HOOK2: variants seen among roughly 807,000 people sequenced by gnomAD.
HOOK2 encodes the protein protein Hook homolog 2.
In HOOK2, 108 loss-of-function variants were observed where a neutral mutation model predicts 111.9. The ratio of observed to expected loss-of-function variants is 0.96; its 90% CI spans 0.83 to 1.13. HOOK2 has a LOEUF of 1.13. Among genes scored for constraint, HOOK2 ranks in the 50% most tolerant of loss-of-function variants. The pLI, the probability that HOOK2 is intolerant of heterozygous loss-of-function variation, is 0.00. For synonymous variants in HOOK2, 405 were observed against 394.3 expected (o/e 1.03, Z -0.32); for missense variants, 978 against 951.3 (o/e 1.03, Z -0.37).
Position 12,763,558 on chromosome 19 carries a change from T to C in HOOK2, c.1980A>G (p.Glu660=). ...EKSRSQREQE[E]KLLISAWYNM... is the part of the protein sequence containing the mutation. The stretch of plus-strand genomic sequence containing the variant: ...TATACCAGGCACTGATGAGCAGCTT[T>C]TCTTCCTGCTCCCGCTGACTTCGGC... The change falls in exon 22 of 23, where the codon GAA becomes GAG. Residue 660 remains glutamate (E), a synonymous_variant. Coordinates refer to ENST00000397668, the MANE Select transcript of HOOK2 (RefSeq NM_013312.3). 1 of 1,614,224 alleles carries C rather than the reference T, an allele frequency of 6.2e-7. No homozygotes were observed. Among genetic ancestry groups the C allele is most frequent in the Non-Finnish European group, 8.5e-7 (1 of 1,180,036 alleles).
chr19:12,769,140 T>C (rs1308373125), intron 11 of HOOK2, among the ~76,000 whole-genome samples: 1 of 152,000 alleles, frequency 6.6e-6, no homozygotes, highest in East Asian at 1.9e-4. Flanking sequence ...TAATTTTTTG[T>C]ATTTTTAGTA....
upstream of HOOK2, among the ~76,000 whole-genome samples, chr19:12,782,384 G>A (rs1052042952): frequency 6.6e-6 from 1 of 152,246 alleles, no homozygotes; most frequent in Non-Finnish European, 1.5e-5. Context: ...ACTGTGGGTC[G>A]GGGAGTTTGT....
chr19:12,778,954 C>CT (rs746729489), upstream of HOOK2, among the ~76,000 whole-genome samples: 3 of 152,186 alleles, frequency 2.0e-5, no homozygotes, highest in Non-Finnish European at 4.4e-5. Context: ...GGGAGCCCCG[C>CT]TGTGCGGAGA....
chr19:12,774,814 C>A lies in HOOK2; in HGVS notation c.129G>T (p.Gln43His). 6.2e-7 allele frequency: 1 copy of A among 1,614,148 alleles called. No individual in the cohort carries two copies. Among genetic ancestry groups the A allele is most frequent in the East Asian group, 2.2e-5 (1 of 44,878 alleles). Residue 43 changes from glutamine (Q) to histidine (H), a missense_variant and splice_region_variant, in exon 2 of 23, where the codon CAG becomes CAT. By Grantham distance (24) the Gln-to-His change is conservative. Around this residue, in one of 5 missense-constraint regions of HOOK2, gnomAD observed 301 missense variants for 286.1 expected, o/e 1.05. Coordinates refer to ENST00000397668, the MANE Select transcript of HOOK2 (RefSeq NM_013312.3). The stretch of plus-strand genomic sequence containing the variant: ...TCCTCCCCTTCAGCTCCACTCACAT[C>A]TGGTTCAGCACATAGGCTACGGCAA... Reference protein sequence around the residue: ...SGLAVAYVLNQIDPSWFNEAW... With the variant: ...SGLAVAYVLNHIDPSWFNEAW...
rs539056834 is a variant in HOOK2 at position 12,775,528 on chromosome 19, G to A, written c.-79C>T. 7.3e-5 allele frequency: 110 copies of A among 1,499,734 alleles called. No individual in the cohort carries two copies. In the Middle Eastern group the frequency reaches 8.4e-4, roughly 11 times the overall value. The allele number at this position is 1,499,734 out of a possible 1,614,324, so 92.9% of individuals were successfully genotyped here. A position where few individuals can be genotyped will look rare whatever the true frequency, so the allele number is the denominator to read the frequency against. ...CCGGGTCCGCCACCAGCGAGCGCCC[G>A]CAGCCCCGACCTCCCGCTCGGCCTA... On this transcript the variant is annotated 5_prime_UTR_variant, in exon 1 of 23. Coordinates refer to ENST00000397668, the MANE Select transcript of HOOK2 (RefSeq NM_013312.3).
intron 10 of HOOK2, among the ~76,000 whole-genome samples, 157 bp from the exon 11 acceptor site, chr19:12,770,239 G>A (rs1375418448): frequency 2.0e-5 from 3 of 152,042 alleles, no homozygotes; most frequent in Non-Finnish European, 4.4e-5. Context: ...GTCAATCAGG[G>A]CCTGGAGCTG....
chr19:12,774,525 C>A, intron 3 of HOOK2, 144 bp downstream of exon 3: 1 of 790,694 alleles, frequency 1.3e-6, no homozygotes, highest in Non-Finnish European at 2.2e-6. Context: ...AGGGTGAGTA[C>A]TCCATAGATG....
At chr19:12,779,345 G>C (rs917455435), upstream of HOOK2, among the ~76,000 whole-genome samples, 18 of 152,240 alleles carry the variant, frequency 1.2e-4, no homozygotes, top group Admixed American at 8.5e-4. Context: ...CTGGAGAACA[G>C]TGCCCCTCTG....
chr19:12,774,615 G>A (rs753125094), intron 3 of HOOK2, 54 bp downstream of exon 3: 84 of 1,564,338 alleles, frequency 5.4e-5, no homozygotes, highest in Admixed American at 8.3e-5. Flanking sequence ...TAGCTGGCCC[G>A]TCCCTGGTCA....
In HOOK2 at chr19:12,767,803, G is replaced by C; in HGVS notation, c.1303+13C>G. 6.3e-7 allele frequency: 1 copy of C among 1,599,244 alleles called. No homozygotes were observed. The highest frequency in any genetic ancestry group is 1.1e-5 in the South Asian group (1 of 90,832). On this transcript the variant is annotated intron_variant, in intron 13 of 22. Transcript: ENST00000397668. ...CAGGACAGGTAAGACCCCGGGATGG[G>C]GCTTCATCTCACCGGCCTGGGTCAA...
At chr19:12,765,163 G>A (rs1434309181) in intron 18 of HOOK2, 82 bp from the exon 19 acceptor site, 12 of 1,387,424 alleles carry the variant, frequency 8.6e-6, no homozygotes, top group East Asian at 4.6e-5. Flanking sequence ...AGACCTCCCC[G>A]CCAGCCAGAA....
In HOOK2 at chr19:12,790,170, C is replaced by T. The variant is rs1599522279; in HGVS notation, n.42-15945G>A. Among the ~76,000 whole-genome samples the T allele has an allele frequency of 6.6e-6, 1 of 152,176 alleles. No individual in the cohort carries two copies. Among genetic ancestry groups the T allele is most frequent in the African/African-American group, 2.4e-5 (1 of 41,452 alleles). On this transcript the variant is annotated intron_variant and non_coding_transcript_variant, in intron 3 of 3. Transcript: ENST00000589765. This position sits in a 1 kb window ranked among gnomAD's most constrained non-coding sequence, Gnocchi z 7.2. ...AGAGGATGGTGGCTGGAGGCTGCCG[C>T]GGCTGGGCGGGCTCCAAGCACCCGG...
intron 3 of HOOK2, among the ~76,000 whole-genome samples, chr19:12,788,085 A>C (rs1233884099): frequency 2.0e-5 from 3 of 152,008 alleles, no homozygotes; most frequent in East Asian, 1.9e-4. Flanking sequence ...AACAAACAAA[A>C]CACCAAAAAA....
intron 3 of HOOK2, among the ~76,000 whole-genome samples, chr19:12,773,617 G>A (rs1225636567): frequency 1.3e-5 from 2 of 151,972 alleles, no homozygotes; most frequent in Non-Finnish European, 2.9e-5. Flanking sequence ...CCATCCTTCA[G>A]CCCTACCCAT....
intron 18 of HOOK2, 200 bp from the exon 19 acceptor site, chr19:12,765,281 C>T: frequency 1.6e-6 from 1 of 617,676 alleles, no homozygotes; most frequent in Non-Finnish European, 2.9e-6. Flanking sequence ...CCTCCGCACC[C>T]TTAGCAGGTA....
chr19:12,774,555 G>T, intron 3 of HOOK2, 114 bp downstream of exon 3: 1 of 983,964 alleles, frequency 1.0e-6, no homozygotes. Context: ...ACAAATGGTT[G>T]ATCACCAGAC....
rs1459720899 is a variant in HOOK2, at chr19:12,774,801, G to T, written c.131+11C>A. On this transcript the variant is annotated intron_variant, in intron 2 of 22. Coordinates refer to ENST00000397668, the MANE Select transcript of HOOK2 (RefSeq NM_013312.3). The stretch of plus-strand genomic sequence containing the variant: ...GACACTTTTGGGATCCTCCCCTTCA[G>T]CTCCACTCACATCTGGTTCAGCACA... The T allele has an allele frequency of 1.2e-6, 2 of 1,613,910 alleles. No homozygotes were observed. Among genetic ancestry groups the T allele is most frequent in the Admixed American group, 1.7e-5 (1 of 60,026 alleles).
chr19:12,772,847 G>A lies in HOOK2; in HGVS notation c.321C>T (p.Asp107=). 1 of 1,614,186 alleles carries A rather than the reference G, an allele frequency of 6.2e-7. No individual in the cohort carries two copies. Among genetic ancestry groups the A allele is most frequent in the Non-Finnish European group, 8.5e-7 (1 of 1,180,044 alleles). Residue 107 remains aspartate, a synonymous_variant, in exon 5 of 23, where the codon GAC becomes GAT. Coordinates refer to ENST00000397668, the MANE Select transcript of HOOK2 (RefSeq NM_013312.3). ...GAAGCAGCTTGCCGAGCTCTGCCGG[G>A]TCTGAGAACTCTCCAATGAGGCTCA... ...PDVSLIGEFS[D]PAELGKLLQL... is the part of the protein sequence containing the mutation.
At chr19:12,783,945 G>A (rs1968631449) in intron 3 of HOOK2, among the ~76,000 whole-genome samples, 1 of 152,068 alleles carries the variant, frequency 6.6e-6, no homozygotes, top group Non-Finnish European at 1.5e-5. Flanking sequence ...GCAGGAATGA[G>A]GCACAACCTG....
Sources: allele counts gnomAD v4.1 joint callset (sites outside exome capture counted in the v4.1 genomes callset), GRCh38; gene constraint gnomAD v4.1.1; regional missense constraint gnomAD v4.1.1; non-coding constraint Gnocchi (gnomAD v3.1); transcripts MANE v1.5; gene names NCBI Gene and HGNC (gene_info 2026-07-23, HGNC 2026-07-21).